The following SPATA13 variants were observed in gnomAD, a reference collection of about 807,000 sequenced individuals.
SPATA13 encodes spermatogenesis-associated protein 13.
Under a neutral mutation model 104.0 loss-of-function variants are expected in SPATA13, and 50 were observed. The observed-to-expected ratio is 0.48, with a 90% CI of 0.38 to 0.61. SPATA13 has a LOEUF of 0.61. SPATA13 is among the 20% of genes least tolerant of loss of function. SPATA13 has a pLI of 0.00. For synonymous variants in SPATA13, 606 were observed against 667.5 expected, an observed-to-expected ratio of 0.91 and a Z score of 1.42; for missense variants, 1,524 against 1,690.6, an observed-to-expected ratio of 0.90 and a Z score of 1.73.
At chr13:23,998,314 T>G (rs1157741371) in intron 2 of SPATA13, among the ~76,000 whole-genome samples, 1 of 152,244 alleles carries the variant, frequency 6.6e-6, no homozygotes, top group Non-Finnish European at 1.5e-5. Context: ...TAATTTGCAT[T>G]TTCTTAATGA....
chr13:24,295,034 AAC>A (rs1190676426), intron 10 of SPATA13, among the ~76,000 whole-genome samples, 166 bp downstream of exon 10: 1 of 152,246 alleles, frequency 6.6e-6, no homozygotes, highest in East Asian at 1.9e-4. Flanking sequence ...TGTTGAATTT[AAC>A]AGTCGACTAC....
At chr13:24,053,046 A>G (rs1297880441) in intron 3 of SPATA13, among the ~76,000 whole-genome samples, 4 of 151,408 alleles carry the variant, frequency 2.6e-5, no homozygotes, top group Admixed American at 6.6e-5. Flanking sequence ...GCTGAAAAAT[A>G]GGAATTCTCT....
intron 4 of SPATA13, among the ~76,000 whole-genome samples, chr13:24,253,855 G>C (rs1873641562): frequency 6.6e-6 from 1 of 152,184 alleles, no homozygotes; most frequent in South Asian, 2.1e-4. Flanking sequence ...ACAGTGACAG[G>C]AGCTCAGGGA....
chr13:24,059,259 C>T (rs1878694815), intron 3 of SPATA13, among the ~76,000 whole-genome samples: 1 of 151,770 alleles, frequency 6.6e-6, no homozygotes, highest in Non-Finnish European at 1.5e-5. Context: ...GTGTGGCCCA[C>T]TGCATCCGGC....
chr13:24,272,233 A>G lies in SPATA13; in HGVS notation c.2165-11902A>G, dbSNP rs371244694. On this transcript the variant is annotated intron_variant, in intron 4 of 12. Coordinates refer to ENST00000382108, the MANE Select transcript of SPATA13 (RefSeq NM_001166271.3). ...CCAGCATTCCTCCACCGCCTTCCAC[A>G]CAGGGGAGGCCGAGGGAAGCCCGAC... is the stretch of plus-strand genomic sequence containing the variant. Among the ~76,000 whole-genome samples the G allele has an allele frequency of 2.6e-5, 4 of 152,024 alleles. No homozygotes were observed. The East Asian group carries it at 5.8e-4, about 22-fold the overall frequency.
chr13:24,201,980 A>G (rs1870432422), intron 1 of SPATA13, among the ~76,000 whole-genome samples: 1 of 151,984 alleles, frequency 6.6e-6, no homozygotes, highest in Admixed American at 6.6e-5. Flanking sequence ...TTGGCTTCTT[A>G]CATTCACAGT....
At chr13:24,118,017 T>C (rs902933622) in intron 3 of SPATA13, among the ~76,000 whole-genome samples, 3 of 152,248 alleles carry the variant, frequency 2.0e-5, no homozygotes, top group Non-Finnish European at 4.4e-5. Flanking sequence ...AAGTGTGTAC[T>C]ATGTTTTTCT....
At chr13:23,993,557 G>A (rs1167591971) in intron 2 of SPATA13, among the ~76,000 whole-genome samples, 1 of 152,182 alleles carries the variant, frequency 6.6e-6, no homozygotes, top group African/African-American at 2.4e-5. Context: ...TGCCAAGGAC[G>A]TTCTCGGCCC....
chr13:24,129,809 G>T (rs938173779), intron 3 of SPATA13, among the ~76,000 whole-genome samples: 2 of 152,226 alleles, frequency 1.3e-5, no homozygotes, highest in African/African-American at 4.8e-5. Context: ...TCCCTGTATG[G>T]TGAGTGCTGT....
chr13:24,159,004 T>C (rs537334704), upstream of SPATA13, among the ~76,000 whole-genome samples: 5 of 152,352 alleles, frequency 3.3e-5, no homozygotes, highest in Admixed American at 2.0e-4. Flanking sequence ...ATGTTAATAG[T>C]GGTTTCCAAG....
At chr13:24,157,350 G>A (rs1406488057), upstream of SPATA13, among the ~76,000 whole-genome samples, 1 of 152,128 alleles carries the variant, frequency 6.6e-6, no homozygotes, top group Non-Finnish European at 1.5e-5. Context: ...CCAGGCTGGA[G>A]TGCAGGGGCG....
At chr13:24,041,962 C>A (rs576313547) in intron 3 of SPATA13, among the ~76,000 whole-genome samples, 1 of 152,124 alleles carries the variant, frequency 6.6e-6, no homozygotes, top group South Asian at 2.1e-4. Flanking sequence ...TCATGCTGTT[C>A]GAAAAATGTT....
rs79563900 is a variant in SPATA13 at position 24,221,852 on chromosome 13, G to A, written c.-111-967G>A. On this transcript the variant is annotated intron_variant, in intron 1 of 12. Transcript: ENST00000382108. ...GAGACGGAGTCTCACTCACTCTGTCGCCCAGTTTGGAGTGCAGTGGCGCAA... is the reference window on the plus strand; with the variant it reads ...GAGACGGAGTCTCACTCACTCTGTCACCCAGTTTGGAGTGCAGTGGCGCAA... 0.016 allele frequency among the ~76,000 whole-genome samples: 2,227 copies of A among 138,164 alleles called. 115 individuals carry two copies. In the East Asian group the frequency reaches 0.19, roughly 12 times the overall value. The allele number at this position is 138,164 out of a possible 152,430, so 90.6% of individuals were successfully genotyped here. A position where few individuals can be genotyped will look rare whatever the true frequency, so the allele number is the denominator to read the frequency against.
At chr13:24,278,968 C>T (rs1333282008) in intron 4 of SPATA13, 13 of 523,058 alleles carry the variant, frequency 2.5e-5, no homozygotes, top group African/African-American at 5.9e-5. Flanking sequence ...TTCCTTCCCT[C>T]CTTCCCTCCC....
chr13:24,234,693 G>A (rs12584863), intron 2 of SPATA13, among the ~76,000 whole-genome samples: 27,562 of 152,182 alleles, frequency 0.18, 2,951 homozygotes, highest in South Asian at 0.28. Flanking sequence ...GCAGACTTCA[G>A]GGAGTCAACT....
intron 3 of SPATA13, among the ~76,000 whole-genome samples, chr13:24,089,509 C>T (rs991777013): frequency 6.6e-6 from 1 of 152,172 alleles, no homozygotes; most frequent in Non-Finnish European, 1.5e-5. Context: ...GATGGAGTCT[C>T]TATACAATAT....
Position 24,191,790 on chromosome 13 carries a change from G to A in SPATA13, c.-112+30858G>A, listed in dbSNP as rs140754933. Among the ~76,000 whole-genome samples the A allele has an allele frequency of 7.3e-3, 1,105 of 152,120 alleles. 6 individuals carry two copies. The highest frequency in any genetic ancestry group is 0.011 in the Non-Finnish European group (763 of 67,990). The stretch of plus-strand genomic sequence containing the variant: ...CTCCCAAAGTGCTGGGATTACAGGC[G>A]TGAGCCACTGCGACCAGCTACATTG... On this transcript the variant is annotated intron_variant, in intron 1 of 12. Coordinates refer to ENST00000382108, the MANE Select transcript of SPATA13 (RefSeq NM_001166271.3).
At chr13:24,106,670 C>T (rs533357511) in intron 3 of SPATA13, among the ~76,000 whole-genome samples, 3 of 152,248 alleles carry the variant, frequency 2.0e-5, no homozygotes, top group Admixed American at 1.3e-4. Context: ...GTTCTGGGGC[C>T]GACAGAGCTG....
At chr13:24,103,484 C>CAAAAAAAAAAAAAAAAA in intron 3 of SPATA13, among the ~76,000 whole-genome samples, 1 of 69,860 alleles carries the variant, frequency 1.4e-5, no homozygotes, top group Non-Finnish European at 2.5e-5. Flanking sequence ...GACCCTGTCT[C>CAAAAAAAAAAAAAAAAA]AAAAAAAAAA....
Sources: gnomAD v4.1 joint callset for allele counts (sites outside exome capture counted in the v4.1 genomes callset) on GRCh38, gnomAD v4.1.1 for gene constraint, MANE v1.5 for transcripts, NCBI Gene and HGNC (gene_info 2026-07-23, HGNC 2026-07-21) for gene names.